The following BMAL1 variants were observed in gnomAD, a reference collection of about 807,000 sequenced individuals.
BMAL1 encodes the protein basic helix-loop-helix ARNT like 1, also known as basic helix-loop-helix ARNT-like protein 1.
At chr11:13,378,590 A>G in the BMAL1 span, 3 of 1,098,394 alleles carry the variant, frequency 2.7e-6, no homozygotes, top group Non-Finnish European at 4.0e-6. Flanking sequence ...CATCCTGTGG[A>G]TAGAGACCAG....
At chr11:13,356,161 C>G in the BMAL1 span, 1 of 409,262 alleles carries the variant, frequency 2.4e-6, no homozygotes, top group African/African-American at 2.1e-5. Context: ...CATCCCAATT[C>G]CTAAAATCTA....
chr11:13,330,859 C>T, the BMAL1 span, among the ~76,000 whole-genome samples: 1 of 152,342 alleles, frequency 6.6e-6, no homozygotes, highest in South Asian at 2.1e-4. Context: ...TGAGCCTAAA[C>T]CTGAGTGATT....
chr11:13,353,928 C>T, the BMAL1 span, among the ~76,000 whole-genome samples: 1 of 152,018 alleles, frequency 6.6e-6, no homozygotes, highest in Non-Finnish European at 1.5e-5. Flanking sequence ...TTATTTGGTC[C>T]CCTCCGTGGG....
chr11:13,373,254 G>A, the BMAL1 span, among the ~76,000 whole-genome samples: 2 of 152,150 alleles, frequency 1.3e-5, no homozygotes, highest in Non-Finnish European at 2.9e-5. Context: ...ATTGGTAATA[G>A]ACCTGGACCA....
At chr11:13,346,310 G>T in the BMAL1 span, among the ~76,000 whole-genome samples, 2 of 152,246 alleles carry the variant, frequency 1.3e-5, no homozygotes, top group Non-Finnish European at 2.9e-5. Context: ...CTGGAACACT[G>T]ATCCACTCTG....
the BMAL1 span, chr11:13,386,828 G>A: frequency 6.5e-7 from 1 of 1,548,814 alleles, no homozygotes; most frequent in African/African-American, 1.4e-5. Context: ...AGTCTGTGAA[G>A]CTTACTGGAT....
At chr11:13,354,213 A>AAACCCCC in the BMAL1 span, 1 of 268,410 alleles carries the variant, frequency 3.7e-6, no homozygotes. Context: ...CCCCACCACC[A>AAACCCCC]AACCCCCAAG....
the BMAL1 span, chr11:13,277,568 A>G: frequency 6.6e-6 from 1 of 152,010 alleles, no homozygotes; most frequent in Non-Finnish European, 1.5e-5. Context: ...TCTAGCCGCC[A>G]CACAACTGGC....
the BMAL1 span, among the ~76,000 whole-genome samples, chr11:13,348,548 G>C: frequency 1.3e-5 from 2 of 152,088 alleles, no homozygotes. Context: ...AGAGAGGAAG[G>C]AAGCCCAGGG....
chr11:13,330,711 A>T, the BMAL1 span, among the ~76,000 whole-genome samples: 2 of 152,250 alleles, frequency 1.3e-5, no homozygotes, highest in Admixed American at 1.3e-4. Flanking sequence ...TCAAAAGGAG[A>T]TAAAATCATT....
the BMAL1 span, among the ~76,000 whole-genome samples, chr11:13,311,757 G>T: frequency 8.5e-4 from 129 of 152,248 alleles, 2 homozygotes; most frequent in South Asian, 0.026. Context: ...GTGTTCTTAT[G>T]CTCCCTTTTG....
At chr11:13,284,116 ATATGTGTGTGTG>A in the BMAL1 span, among the ~76,000 whole-genome samples, 537 of 101,636 alleles carry the variant, frequency 5.3e-3, 55 homozygotes, top group African/African-American at 0.025. Context: ...GTGTGTATAT[ATATGTGTGTGTG>A]TATATATATA....
the BMAL1 span, among the ~76,000 whole-genome samples, chr11:13,304,785 G>C: frequency 6.6e-6 from 1 of 152,196 alleles, no homozygotes; most frequent in Non-Finnish European, 1.5e-5. Flanking sequence ...GTGAGGCCCT[G>C]GCTGAAGGGT....
chr11:13,346,185 C>G, the BMAL1 span, among the ~76,000 whole-genome samples: 1 of 152,216 alleles, frequency 6.6e-6, no homozygotes, highest in Non-Finnish European at 1.5e-5. Flanking sequence ...TGTTAAAGGT[C>G]CTTTAGAAAG....
the BMAL1 span, among the ~76,000 whole-genome samples, chr11:13,345,352 TCCTGATGAACTC>T: frequency 6.6e-6 from 1 of 152,334 alleles, no homozygotes; most frequent in Non-Finnish European, 1.5e-5. Flanking sequence ...CTCAGGCCTG[TCCTGATGAACTC>T]CCTGATATTC....
chr11:13,365,282 A>AACACACACACACACACACAC, the BMAL1 span: 37 of 182,820 alleles, frequency 2.0e-4, no homozygotes, highest in South Asian at 2.4e-3. Flanking sequence ...GATATGCAGA[A>AACACACACACACACACACAC]ACACACACAC....
At chr11:13,346,132 A>G in the BMAL1 span, among the ~76,000 whole-genome samples, 14 of 152,226 alleles carry the variant, frequency 9.2e-5, no homozygotes, top group Non-Finnish European at 1.5e-4. Flanking sequence ...AGGAGCCTCT[A>G]TCCCAGGAAA....
chr11:13,354,632 C>G, the BMAL1 span: 2 of 722,110 alleles, frequency 2.8e-6, no homozygotes, highest in African/African-American at 3.6e-5. Flanking sequence ...AAGAAGGAGC[C>G]TTCAGCAGTG....
At chr11:13,376,771 G>C in the BMAL1 span, 1 of 1,577,450 alleles carries the variant, frequency 6.3e-7, no homozygotes. Flanking sequence ...CCCGTGGGAA[G>C]GTGCTTGTGG....
Sources: gnomAD v4.1 joint callset for allele counts (sites outside exome capture counted in the v4.1 genomes callset) on GRCh38, gnomAD v4.1.1 for gene constraint, MANE v1.5 for transcripts, NCBI Gene and HGNC (gene_info 2026-07-23, HGNC 2026-07-21) for gene names.